The following WDTC1 variants were observed in gnomAD, a reference collection of about 807,000 sequenced individuals.
The protein encoded by WDTC1 is WD and tetratricopeptide repeats protein 1.
Under a neutral mutation model 76.0 loss-of-function variants are expected in WDTC1, and 12 were observed. That is an observed-to-expected ratio of 0.16 (90% CI 0.10 to 0.26). The LOEUF is 0.26. WDTC1 is among the 10% of genes least tolerant of loss of function. WDTC1 has a pLI of 1.00. For synonymous variants in WDTC1, 326 were observed against 350.8 expected, an observed-to-expected ratio of 0.93 and a Z score of 0.79; for missense variants, 511 against 908.8, an observed-to-expected ratio of 0.56 and a Z score of 5.63.
At chr1:27,258,361 T>C (rs1357975542) in intron 1 of WDTC1, among the ~76,000 whole-genome samples, 1 of 151,596 alleles carries the variant, frequency 6.6e-6, no homozygotes, top group Non-Finnish European at 1.5e-5. Context: ...AGTGAAACCC[T>C]GCCTCTGCTA....
chr1:27,234,493 A>C (rs908790751), upstream of WDTC1: 9 of 329,072 alleles, frequency 2.7e-5, no homozygotes, highest in Admixed American at 4.4e-4. Flanking sequence ...CCGGCAGCAG[A>C]CGTTGACCGG....
At chr1:27,304,664 G>T in intron 14 of WDTC1, 1 of 192,466 alleles carries the variant, frequency 5.2e-6, no homozygotes, top group Non-Finnish European at 1.1e-5. Flanking sequence ...GGGGAGTCTG[G>T]ATGCCAGAAG....
chr1:27,287,746 A>G lies in WDTC1; in HGVS notation c.364A>G (p.Thr122Ala), dbSNP rs773833988. 1.2e-6 allele frequency: 2 copies of G among 1,614,076 alleles called. No individual in the cohort carries two copies. Among genetic ancestry groups the G allele is most frequent in the South Asian group, 2.2e-5 (2 of 91,060 alleles). The change falls in exon 6 of 16, where the codon ACA (threonine) becomes GCA (alanine). Residue 122 changes from threonine to alanine, a missense_variant. Coordinates refer to ENST00000319394, the MANE Select transcript of WDTC1 (RefSeq NM_001276252.2). ...CTCTAAGGTGCATGTGCACGACCTG[A>G]CAGTAAAGGAGACCATCCACATGTT... ...ADSKVHVHDLTVKETIHMFGD... is the reference protein window; with the variant it reads ...ADSKVHVHDLAVKETIHMFGD...
At position 27,306,363 on chromosome 1, in the gene WDTC1, G is replaced by T; in HGVS notation, c.2014G>T (p.Val672Leu). Residue 672 changes from valine (V) to leucine (L), a missense_variant, in exon 16 of 16, where the codon GTG (valine) becomes TTG (leucine). Val to Leu is a conservative substitution (Grantham distance 32). Coordinates refer to ENST00000319394, the MANE Select transcript of WDTC1 (RefSeq NM_001276252.2). This position sits in a 1 kb window ranked among gnomAD's most constrained non-coding sequence, Gnocchi z 5.0. ...TGATGAGGACAGCTCTGAGGGCCAGGTGCAGTGCCGGCCCAGCTAGACCCT... is the reference window on the plus strand; with the variant it reads ...TGATGAGGACAGCTCTGAGGGCCAGTTGCAGTGCCGGCCCAGCTAGACCCT... Reference protein sequence around the residue: ...SDDEDSSEGQVQCRPS With the variant: ...SDDEDSSEGQLQCRPS 1.2e-6 allele frequency: 2 copies of T among 1,612,878 alleles called. No individual in the cohort carries two copies. Among genetic ancestry groups the T allele is most frequent in the Non-Finnish European group, 1.7e-6 (2 of 1,179,980 alleles).
intron 1 of WDTC1, among the ~76,000 whole-genome samples, chr1:27,255,099 C>T (rs1249335998): frequency 2.0e-5 from 3 of 152,154 alleles, no homozygotes; most frequent in Non-Finnish European, 4.4e-5. Flanking sequence ...AAAACCCCTT[C>T]TCTTTGATAC....
chr1:27,269,618 T>TTGTTTTTTTTTTTTTTTTG (rs1557491083), intron 3 of WDTC1, among the ~76,000 whole-genome samples: 1 of 138,460 alleles, frequency 7.2e-6, no homozygotes, highest in Admixed American at 7.3e-5. Flanking sequence ...TTTTTTTTTT[T>TTGTTTTTTTTTTTTTTTTG]CGGTTTTTTT....
At chr1:27,295,925 C>T (rs1343170178) in intron 9 of WDTC1, among the ~76,000 whole-genome samples, 1 of 152,074 alleles carries the variant, frequency 6.6e-6, no homozygotes, top group East Asian at 1.9e-4. Flanking sequence ...GCCACCACAC[C>T]TGGCTAGTTT....
intron 1 of WDTC1, among the ~76,000 whole-genome samples, chr1:27,235,607 G>A (rs2011478439): frequency 6.6e-6 from 1 of 151,914 alleles, no homozygotes; most frequent in Non-Finnish European, 1.5e-5. Flanking sequence ...GAGAGACTGC[G>A]AACCAGCAGG....
chr1:27,234,508 G>T (rs189752680), upstream of WDTC1: 10 of 341,056 alleles, frequency 2.9e-5, no homozygotes, highest in South Asian at 3.1e-4. Flanking sequence ...GACCGGGCGC[G>T]GGGGGGTAAG....
chr1:27,247,613 A>T (rs967637059), intron 1 of WDTC1, among the ~76,000 whole-genome samples: 1 of 151,820 alleles, frequency 6.6e-6, no homozygotes, highest in Non-Finnish European at 1.5e-5. Flanking sequence ...TTTGCTGAGG[A>T]TAATGGCCTC....
intron 2 of WDTC1, among the ~76,000 whole-genome samples, chr1:27,262,457 T>C (rs1027897859): frequency 3.3e-5 from 5 of 151,404 alleles, no homozygotes; most frequent in Non-Finnish European, 5.9e-5. Flanking sequence ...GGCATGATCT[T>C]GGCTCATTGC....
At chr1:27,261,447 G>A (rs1319159834) in intron 2 of WDTC1, among the ~76,000 whole-genome samples, 1 of 152,162 alleles carries the variant, frequency 6.6e-6, no homozygotes. Context: ...TGTTGCTCCA[G>A]CTGCCAAGTT....
chr1:27,236,571 A>G (rs2147893237), intron 1 of WDTC1, among the ~76,000 whole-genome samples: 1 of 152,328 alleles, frequency 6.6e-6, no homozygotes, highest in East Asian at 1.9e-4. Flanking sequence ...GAACACGTGT[A>G]AATATTATGA....
At chr1:27,300,042 G>C (rs10751723) in intron 12 of WDTC1, among the ~76,000 whole-genome samples, 138,793 of 152,200 alleles carry the variant, frequency 0.91, 64,678 homozygotes, top group East Asian at 1. Flanking sequence ...TCCTTCGTCA[G>C]AGCCACTCAT....
intron 1 of WDTC1, among the ~76,000 whole-genome samples, chr1:27,253,398 C>CCTCCCA (rs1264458268): frequency 1.1e-5 from 1 of 92,558 alleles, no homozygotes; most frequent in Non-Finnish European, 2.1e-5. Context: ...TTCCCCTCCC[C>CCTCCCA]CTCCCCCTCC....
At chr1:27,287,620 C>T (rs1389417968) in intron 5 of WDTC1, 54 bp from the exon 6 acceptor site, 18 of 1,553,762 alleles carry the variant, frequency 1.2e-5, no homozygotes, top group Non-Finnish European at 1.6e-5. Context: ...TAGCCTCCTT[C>T]CGTGGCCATT....
chr1:27,275,907 A>C (rs1481406126), intron 3 of WDTC1, among the ~76,000 whole-genome samples: 1 of 152,196 alleles, frequency 6.6e-6, no homozygotes, highest in African/African-American at 2.4e-5. Context: ...TCCTTCTCCC[A>C]TACTGGCCCT....
chr1:27,265,650 A>C (rs1424431208), intron 3 of WDTC1, among the ~76,000 whole-genome samples: 1 of 146,394 alleles, frequency 6.8e-6, no homozygotes, highest in Non-Finnish European at 1.5e-5. Context: ...GACCCTGTTT[A>C]AAAAAAAAAA....
chr1:27,306,136 T>C lies in WDTC1; in HGVS notation c.1837-50T>C. 6.2e-7 allele frequency: 1 copy of C among 1,607,490 alleles called. No individual in the cohort carries two copies. The highest frequency in any genetic ancestry group is 8.5e-7 in the Non-Finnish European group (1 of 1,175,038). ...CCCCTCCCCTATACGTGTACCCTGG[T>C]GCCTCTCCCTCCCTGAGCCCCACGT... On this transcript the variant is annotated intron_variant, in intron 15 of 15. Coordinates refer to ENST00000319394, the MANE Select transcript of WDTC1 (RefSeq NM_001276252.2). The surrounding 1 kb of genome is among the most constrained non-coding windows in gnomAD (Gnocchi z 5.0).
Sources: gnomAD v4.1 joint callset for allele counts (sites outside exome capture counted in the v4.1 genomes callset) on GRCh38, gnomAD v4.1.1 for gene constraint, Gnocchi (gnomAD v3.1) non-coding constraint, MANE v1.5 for transcripts, NCBI Gene and HGNC (gene_info 2026-07-23, HGNC 2026-07-21) for gene names.